Variants in C5orf22 observed in about 807,000 individuals in gnomAD.
The protein encoded by C5orf22 is UPF0489 protein C5orf22.
A neutral mutation model predicts 48.7 loss-of-function variants in C5orf22; 36 were observed. The observed-to-expected ratio is 0.74, with a 90% CI of 0.57 to 0.98. The LOEUF (loss-of-function observed/expected upper bound fraction) is 0.98. C5orf22 is among the 50% of genes least tolerant of loss of function. The pLI, the probability that C5orf22 is intolerant of heterozygous loss-of-function variation, is 0.00. For missense variants in C5orf22, 486 were observed against 521.9 expected (o/e 0.93, Z 0.67); for synonymous variants, 141 against 180.8 (o/e 0.78, Z 1.76).
In C5orf22 at chr5:31,551,370, T is replaced by C; in HGVS notation, c.1137T>C (p.Leu379=). Reference sequence around the variant, plus strand: ...GCACAGAACAAGAAATAGAGTGTCTTATTCAATCTGTGCATTATTTGCTGA... The same window carrying C: ...GCACAGAACAAGAAATAGAGTGTCTCATTCAATCTGTGCATTATTTGCTGA... ...HISTEQEIEC[L]IQSVHYLLKN... Residue 379 remains leucine (L), a synonymous_variant, in exon 8 of 9, where the codon CTT becomes CTC. Transcript: ENST00000325366. 6.2e-7 allele frequency: 1 copy of C among 1,613,820 alleles called. No homozygotes were observed. The highest frequency in any genetic ancestry group is 1.1e-5 in the South Asian group (1 of 91,026).
chr5:31,551,687 C>G (rs554879019), intron 8 of C5orf22, among the ~76,000 whole-genome samples: 1 of 152,200 alleles, frequency 6.6e-6, no homozygotes, highest in Admixed American at 6.5e-5. Context: ...AAGGTGGAGG[C>G]CACAAGCTAA....
chr5:31,544,452 C>T (rs560838502), intron 6 of C5orf22, among the ~76,000 whole-genome samples: 6 of 147,596 alleles, frequency 4.1e-5, no homozygotes, highest in South Asian at 4.2e-4. Context: ...GGCGTGGTGG[C>T]GGGCACCTGT....
chr5:31,532,470 G>A lies in C5orf22; in HGVS notation c.78G>A (p.Gln26=). The A allele has an allele frequency of 1.2e-6, 2 of 1,613,138 alleles. No individual in the cohort carries two copies. The highest frequency in any genetic ancestry group is 1.3e-5 in the African/African-American group (1 of 74,988). The stretch of plus-strand genomic sequence containing the variant: ...CAGTGTGGGTGGTGGAGGATCATCA[G>A]GAGGTGAGCGGACGGCAACAGGGCT... ...KLPVWVVEDH[Q]EVLPFIYRAI... Residue 26 remains glutamine, a synonymous_variant, in exon 1 of 9, where the codon CAG becomes CAA. Coordinates refer to ENST00000325366, the MANE Select transcript of C5orf22 (RefSeq NM_018356.3).
At chr5:31,550,504 C>T (rs1214668515) in intron 7 of C5orf22, among the ~76,000 whole-genome samples, 2 of 152,026 alleles carry the variant, frequency 1.3e-5, no homozygotes, top group African/African-American at 4.8e-5. Context: ...ACTAGGTGCA[C>T]ATATTAATAT....
chr5:31,533,297 A>G (rs1466526351), intron 1 of C5orf22, among the ~76,000 whole-genome samples: 3 of 152,122 alleles, frequency 2.0e-5, no homozygotes, highest in East Asian at 1.9e-4. Context: ...GGTGCCCTGC[A>G]TAGATAAACA....
intron 7 of C5orf22, among the ~76,000 whole-genome samples, chr5:31,550,252 TA>T (rs1334378653): frequency 1.3e-5 from 2 of 152,214 alleles, no homozygotes; most frequent in African/African-American, 4.8e-5. Flanking sequence ...ATGACATAGT[TA>T]AGTTCCAGTT....
intron 6 of C5orf22, among the ~76,000 whole-genome samples, chr5:31,543,581 GA>G (rs59910345): frequency 5.3e-5 from 8 of 151,090 alleles, no homozygotes; most frequent in African/African-American, 1.9e-4. Context: ...AAAAAAGAAA[GA>G]AAAAAAAATC....
intron 7 of C5orf22, among the ~76,000 whole-genome samples, chr5:31,547,184 G>A (rs1331929639): frequency 6.6e-6 from 1 of 152,246 alleles, no homozygotes; most frequent in East Asian, 1.9e-4. Flanking sequence ...GCTCCAAAAC[G>A]ATCGTCTTTG....
At chr5:31,541,513 G>A in intron 6 of C5orf22, 111 bp downstream of exon 6, 1 of 1,163,422 alleles carries the variant, frequency 8.6e-7, no homozygotes, top group Non-Finnish European at 1.2e-6. Flanking sequence ...CAGCTACTTG[G>A]GACACTGAGG....
intron 6 of C5orf22, among the ~76,000 whole-genome samples, chr5:31,542,408 C>A (rs1360151814): frequency 6.9e-6 from 1 of 144,378 alleles, no homozygotes; most frequent in Non-Finnish European, 1.5e-5. Flanking sequence ...TGCAGTGAGC[C>A]GAGATTGCAT....
chr5:31,541,425 T>A (rs754507841), intron 6 of C5orf22, 23 bp downstream of exon 6: 1 of 1,609,082 alleles, frequency 6.2e-7, no homozygotes, highest in Non-Finnish European at 8.5e-7. Flanking sequence ...AACATTTTTT[T>A]CCCCCAACTC....
intron 7 of C5orf22, among the ~76,000 whole-genome samples, chr5:31,550,909 G>T (rs554842081): frequency 3.0e-4 from 46 of 152,186 alleles, no homozygotes; most frequent in African/African-American, 1.1e-3. Flanking sequence ...TAGAAAATGT[G>T]AATTACCAAA....
chr5:31,541,775 A>C lies in C5orf22; in HGVS notation c.992+373A>C, dbSNP rs540434583. ...GTGACAGAGACTTGTCTCAAAAAAG[A>C]GAGAAAAAAAAGAATTAGTATTAAA... On this transcript the variant is annotated intron_variant, in intron 6 of 8. Coordinates refer to ENST00000325366, the MANE Select transcript of C5orf22 (RefSeq NM_018356.3). Among the ~76,000 whole-genome samples, 3 of 152,280 alleles carry C rather than the reference A, an allele frequency of 2.0e-5. 1 individual carries two copies. The highest frequency in any genetic ancestry group is 7.2e-5 in the African/African-American group (3 of 41,558).
chr5:31,535,950 G>T, intron 3 of C5orf22, 57 bp downstream of exon 3: 1 of 1,542,572 alleles, frequency 6.5e-7, no homozygotes, highest in Non-Finnish European at 8.9e-7. Flanking sequence ...TCTTATTTTG[G>T]ATTCCTATAA....
In C5orf22 at chr5:31,532,411, G is replaced by T; in HGVS notation, c.19G>T (p.Gly7Trp). ...CAAAAACATGAGTGACTCCGCGGGA[G>T]GGCGCGCTGGTCTCCGGCGTTACCC... is the stretch of plus-strand genomic sequence containing the variant. Reference protein sequence around the residue: MSDSAGGRAGLRRYPKL... With the variant: MSDSAGWRAGLRRYPKL... Residue 7 changes from glycine (G) to tryptophan (W), a missense_variant, in exon 1 of 9, where the codon GGG (glycine) becomes TGG (tryptophan). Transcript: ENST00000325366. The T allele has an allele frequency of 1.2e-6, 2 of 1,614,012 alleles. No individual in the cohort carries two copies. Among genetic ancestry groups the T allele is most frequent in the Non-Finnish European group, 1.7e-6 (2 of 1,179,964 alleles).
At position 31,545,731 on chromosome 5, in the gene C5orf22, T is replaced by C. The variant is rs757729313; in HGVS notation, c.1059+19T>C. 1 of 1,487,294 alleles carries C rather than the reference T, an allele frequency of 6.7e-7. No homozygotes were observed. The highest frequency in any genetic ancestry group is 2.3e-5 in the East Asian group (1 of 43,846). The allele number at this position is 1,487,294 out of a possible 1,614,324, so 92.1% of individuals were successfully genotyped here. On this transcript the variant is annotated intron_variant, in intron 7 of 8. Coordinates refer to ENST00000325366, the MANE Select transcript of C5orf22 (RefSeq NM_018356.3). ...TGAAATGGTAAATATTTTATATTAATGTGTAAAATTGACCCTTTGTAAAGA... is the reference window on the plus strand; with the variant it reads ...TGAAATGGTAAATATTTTATATTAACGTGTAAAATTGACCCTTTGTAAAGA...
intron 7 of C5orf22, among the ~76,000 whole-genome samples, chr5:31,546,708 C>G (rs1218964115): frequency 6.6e-6 from 1 of 152,156 alleles, no homozygotes; most frequent in African/African-American, 2.4e-5. Flanking sequence ...GTTTTTAAAA[C>G]TGTGAGATCT....
chr5:31,534,517 T>G (rs1341547674), intron 2 of C5orf22, 100 bp downstream of exon 2: 2 of 1,099,706 alleles, frequency 1.8e-6, no homozygotes, highest in African/African-American at 3.2e-5. Flanking sequence ...CTCATGGGTT[T>G]GGGGGTTTTT....
chr5:31,532,499 G>A lies in C5orf22; in HGVS notation c.81+26G>A, dbSNP rs749015150. On this transcript the variant is annotated intron_variant, in intron 1 of 8. Transcript: ENST00000325366. ...GTGAGCGGACGGCAACAGGGCTCTG[G>A]GGCAGAATCAGCGGAAGCCCTGACG... 5.6e-6 allele frequency: 9 copies of A among 1,599,372 alleles called. No individual in the cohort carries two copies. The South Asian group carries it at 7.8e-5, about 14-fold the overall frequency.
Sources: gnomAD v4.1 joint callset for allele counts (sites outside exome capture counted in the v4.1 genomes callset) on GRCh38, gnomAD v4.1.1 for gene constraint, MANE v1.5 for transcripts, NCBI Gene and HGNC (gene_info 2026-07-23, HGNC 2026-07-21) for gene names.